The following PTPRE variants were observed in gnomAD, a reference collection of about 807,000 sequenced individuals.
PTPRE encodes protein tyrosine phosphatase receptor type E.
Under a neutral mutation model 102.0 loss-of-function variants are expected in PTPRE, and 51 were observed. That is an observed-to-expected ratio of 0.50 (90% CI 0.40 to 0.63). The LOEUF is 0.63. Among genes scored for constraint, PTPRE ranks in the 30% least tolerant of loss-of-function variants. The pLI, the probability that PTPRE is intolerant of heterozygous loss-of-function variation, is 0.00. For synonymous variants in PTPRE, 345 were observed against 348.2 expected (o/e 0.99, Z 0.10); for missense variants, 752 against 915.1 (o/e 0.82, Z 2.30).
intron 2 of PTPRE, among the ~76,000 whole-genome samples, chr10:128,022,120 G>T (rs953747642): frequency 6.6e-6 from 1 of 152,220 alleles, no homozygotes; most frequent in African/African-American, 2.4e-5. Context: ...AAAGTCACAA[G>T]GTAGAAGAGG....
chr10:128,017,662 T>C (rs1386597121), intron 2 of PTPRE, among the ~76,000 whole-genome samples: 1 of 152,116 alleles, frequency 6.6e-6, no homozygotes, highest in Non-Finnish European at 1.5e-5. Flanking sequence ...GGTGGCCACA[T>C]TCTGTGGGTT....
intron 2 of PTPRE, among the ~76,000 whole-genome samples, chr10:128,034,769 A>C (rs1418023252): frequency 6.6e-6 from 1 of 152,236 alleles, no homozygotes; most frequent in Non-Finnish European, 1.5e-5. Flanking sequence ...GAGAGCTCAC[A>C]AAATGCTAAT....
At chr10:127,950,130 A>C (rs1205609701) in intron 1 of PTPRE, among the ~76,000 whole-genome samples, 3 of 151,856 alleles carry the variant, frequency 2.0e-5, no homozygotes, top group African/African-American at 7.3e-5. Context: ...AGGTGGTTAC[A>C]CTCTAAAAGA....
intron 2 of PTPRE, among the ~76,000 whole-genome samples, chr10:127,983,868 C>T (rs1362527720): frequency 6.6e-6 from 1 of 152,164 alleles, no homozygotes; most frequent in Non-Finnish European, 1.5e-5. Flanking sequence ...GTGACAGGTG[C>T]TTCCGGGGCT....
In PTPRE at chr10:128,069,758, G is replaced by A. The variant is rs1359369461; in HGVS notation, c.1074G>A (p.Glu358=). The change falls in exon 13 of 21, where the codon GAG becomes GAA. Residue 358 remains glutamate (E), a synonymous_variant. Transcript: ENST00000254667. The part of the protein sequence containing the change: ...IDAMMAMMHA[E]QKVDVFEFVS... ...CCATGATGGCCATGATGCACGCGGA[G>A]CAGAAGGTGGATGTGTTTGAATTTG... 1 of 1,614,100 alleles carries A rather than the reference G, an allele frequency of 6.2e-7. No homozygotes were observed. Among genetic ancestry groups the A allele is most frequent in the African/African-American group, 1.3e-5 (1 of 74,932 alleles).
chr10:128,001,294 G>C (rs1853862216), intron 2 of PTPRE, among the ~76,000 whole-genome samples: 1 of 152,158 alleles, frequency 6.6e-6, no homozygotes, highest in Non-Finnish European at 1.5e-5. Context: ...AAGTTCTCAG[G>C]AAGTCTTCAG....
chr10:128,046,484 A>G (rs962146093), intron 3 of PTPRE, among the ~76,000 whole-genome samples: 5 of 152,230 alleles, frequency 3.3e-5, no homozygotes, highest in African/African-American at 9.6e-5. Flanking sequence ...CTGTTCACTC[A>G]TGGCAGAGCG....
chr10:127,990,428 A>G (rs1852524096), intron 2 of PTPRE, among the ~76,000 whole-genome samples: 1 of 151,804 alleles, frequency 6.6e-6, no homozygotes, highest in African/African-American at 2.4e-5. Flanking sequence ...AAAAAAAAAA[A>G]AAAAAGAAAG....
rs368191046 is a variant in PTPRE, at chr10:127,988,451, A to G, written c.-8+6155A>G. ...CTCCTGAGTAGCTGGGATTACAGGC[A>G]CCTGTCACCATGCCCAGCTAATTTT... On this transcript the variant is annotated intron_variant, in intron 2 of 20. Transcript: ENST00000254667. Among the ~76,000 whole-genome samples, 17 of 152,000 alleles carry G rather than the reference A, an allele frequency of 1.1e-4. 1 individual carries two copies. The South Asian group carries it at 3.3e-3, about 30-fold the overall frequency.
In PTPRE at chr10:128,063,061, C is replaced by T. The variant is rs3802692; in HGVS notation, c.626-22C>T. 4.7e-3 allele frequency: 7,608 copies of T among 1,613,394 alleles called. 529 individuals carry two copies. The East Asian group carries it at 0.14, about 30-fold the overall frequency. On this transcript the variant is annotated intron_variant, in intron 9 of 20. Coordinates refer to ENST00000254667, the MANE Select transcript of PTPRE (RefSeq NM_006504.6). The stretch of plus-strand genomic sequence containing the variant: ...GACTTCCCTTCATGCCTTTTGACTT[C>T]GAAATTGTCCTCTACACACAGGTCC...
chr10:127,963,001 T>TC (rs1849948060), intron 1 of PTPRE, among the ~76,000 whole-genome samples: 1 of 152,090 alleles, frequency 6.6e-6, no homozygotes, highest in Non-Finnish European at 1.5e-5. Context: ...GAAACCTGGG[T>TC]CTATAGGCCT....
intron 2 of PTPRE, among the ~76,000 whole-genome samples, chr10:128,003,111 A>T: frequency 6.6e-6 from 1 of 152,148 alleles, no homozygotes; most frequent in Admixed American, 6.5e-5. Context: ...CTGGGTTCAA[A>T]TCCTGGCTTG....
chr10:128,077,534 G>A, intron 18 of PTPRE, 83 bp from the exon 19 acceptor site: 1 of 1,503,838 alleles, frequency 6.6e-7, no homozygotes, highest in Middle Eastern at 2.5e-4. Flanking sequence ...TCCCAGCCTT[G>A]GCCAATCCCT....
chr10:127,936,202 A>C (rs1392350515), intron 1 of PTPRE: 1 of 152,250 alleles, frequency 6.6e-6, no homozygotes, highest in Non-Finnish European at 1.5e-5. Context: ...AAAGGGGGAC[A>C]GTGCCATTTT....
intron 3 of PTPRE, among the ~76,000 whole-genome samples, chr10:128,042,099 T>C (rs1412413104): frequency 6.6e-6 from 1 of 152,194 alleles, no homozygotes. Flanking sequence ...CTTGCCTCTT[T>C]GCAAGCCAGC....
chr10:127,982,193 G>T, intron 1 of PTPRE, 81 bp from the exon 2 acceptor site: 1 of 908,994 alleles, frequency 1.1e-6, no homozygotes. Context: ...GACTAGTGCT[G>T]TACAGAAGGA....
chr10:127,987,484 A>G (rs913616227), intron 2 of PTPRE: 3 of 601,466 alleles, frequency 5.0e-6, no homozygotes, highest in Non-Finnish European at 7.4e-6. Flanking sequence ...CCTAAAAATC[A>G]GGCTAAAGAA....
At chr10:128,075,243 T>C (rs1026418457) in intron 17 of PTPRE, among the ~76,000 whole-genome samples, 11 of 152,172 alleles carry the variant, frequency 7.2e-5, no homozygotes, top group African/African-American at 2.7e-4. Flanking sequence ...CTTGAGTTGG[T>C]TTCATTTCGT....
rs199790120 is a variant in PTPRE at position 128,047,406 on chromosome 10, C to A, written c.126C>A (p.Gly42=). ...CTCCTGCAGGCCCTCCGGACCCGGGCGCCTCCCAGCCGCTGCTGGCCTGGC... is the reference window on the plus strand; with the variant it reads ...CTCCTGCAGGCCCTCCGGACCCGGGAGCCTCCCAGCCGCTGCTGGCCTGGC... ...TTTTSGPPDP[G]ASQPLLAWLL... is the part of the protein sequence containing the mutation. The change falls in exon 4 of 21, where the codon GGC becomes GGA. Residue 42 remains glycine (G), a synonymous_variant. Transcript: ENST00000254667. 1.9e-6 allele frequency: 3 copies of A among 1,612,908 alleles called. No homozygotes were observed. Among genetic ancestry groups the A allele is most frequent in the Middle Eastern group, 3.5e-4 (2 of 5,764 alleles).
Sources: gnomAD v4.1 joint callset for allele counts (sites outside exome capture counted in the v4.1 genomes callset) on GRCh38, gnomAD v4.1.1 for gene constraint, MANE v1.5 for transcripts, NCBI Gene and HGNC (gene_info 2026-07-23, HGNC 2026-07-21) for gene names.